WDR25: variants seen among roughly 807,000 people sequenced by gnomAD.
WDR25 encodes the protein WD repeat domain 25.
Under a neutral mutation model 47.7 loss-of-function variants are expected in WDR25, and 35 were observed. The observed-to-expected ratio is 0.73, with a 90% CI of 0.56 to 0.97. WDR25 has a LOEUF of 0.97. WDR25 is among the 50% of genes least tolerant of loss of function. WDR25 has a pLI of 0.00. For synonymous variants in WDR25, 248 were observed against 278.9 expected (o/e 0.89, Z 1.10); for missense variants, 634 against 704.7 (o/e 0.90, Z 1.14).
At chr14:100,450,926 G>A (rs1377858136) in intron 2 of WDR25, among the ~76,000 whole-genome samples, 1 of 152,206 alleles carries the variant, frequency 6.6e-6, no homozygotes, top group Non-Finnish European at 1.5e-5. Context: ...AGGTGTGAAA[G>A]AGCACCTAAC....
chr14:100,496,577 G>T (rs1044633422), intron 4 of WDR25, among the ~76,000 whole-genome samples: 1 of 152,032 alleles, frequency 6.6e-6, no homozygotes, highest in African/African-American at 2.4e-5. Context: ...CCATTGATTT[G>T]AGATCTTTTT....
At position 100,529,163 on chromosome 14, in the gene WDR25, G is replaced by A; in HGVS notation, c.1368G>A (p.Val456=). The change falls in exon 6 of 7, where the codon GTG becomes GTA. Residue 456 remains valine, a synonymous_variant. Coordinates refer to ENST00000402312, the MANE Select transcript of WDR25 (RefSeq NM_001161476.3). This position sits in a 1 kb window ranked among gnomAD's most constrained non-coding sequence, Gnocchi z 5.1. Reference sequence around the variant, plus strand: ...ACTACCTGGCCCTTTTCTCCACTGTGTGGCCCTACCGGATGAGCAGACGGC... The same window carrying A: ...ACTACCTGGCCCTTTTCTCCACTGTATGGCCCTACCGGATGAGCAGACGGC... ...NGNYLALFST[V]WPYRMSRRRR... 2 of 1,612,136 alleles carry A rather than the reference G, an allele frequency of 1.2e-6. No individual in the cohort carries two copies. Among genetic ancestry groups the A allele is most frequent in the Non-Finnish European group, 1.7e-6 (2 of 1,178,504 alleles).
At chr14:100,388,926 T>C (rs1897078464) in intron 2 of WDR25, among the ~76,000 whole-genome samples, 1 of 152,218 alleles carries the variant, frequency 6.6e-6, no homozygotes, top group African/African-American at 2.4e-5. Context: ...TCATCCCATG[T>C]CATTAAGGGA....
chr14:100,513,920 C>A (rs546551013), intron 4 of WDR25, among the ~76,000 whole-genome samples: 12 of 151,550 alleles, frequency 7.9e-5, no homozygotes, highest in Admixed American at 4.6e-4. Flanking sequence ...TTATTGTTAG[C>A]ATGGCATATC....
intron 4 of WDR25, among the ~76,000 whole-genome samples, chr14:100,491,497 C>T (rs1900564243): frequency 6.6e-6 from 1 of 152,202 alleles, no homozygotes; most frequent in South Asian, 2.1e-4. Context: ...CTGCAGTGTT[C>T]AGTACAATCA....
intron 2 of WDR25, among the ~76,000 whole-genome samples, chr14:100,405,009 C>T (rs570748204): frequency 6.6e-6 from 1 of 152,262 alleles, no homozygotes; most frequent in South Asian, 2.1e-4. Flanking sequence ...CTTGCCCCCA[C>T]CTCAGAGGCT....
chr14:100,463,059 C>T (rs80026461), intron 2 of WDR25, among the ~76,000 whole-genome samples: 1 of 58,384 alleles, frequency 1.7e-5, no homozygotes, highest in African/African-American at 1.1e-4. Context: ...TTCTTTCACC[C>T]CTTCCTCTCC....
In WDR25 at chr14:100,376,544, C is replaced by T. The variant is rs963814795; in HGVS notation, c.-16+49C>T. The T allele has an allele frequency of 5.7e-6, 7 of 1,231,816 alleles. No individual in the cohort carries two copies. In the African/African-American group the frequency reaches 9.3e-5, roughly 16 times the overall value. 76.3% of individuals were successfully genotyped at this position (1,231,816 alleles called of 1,614,324 possible). On this transcript the variant is annotated intron_variant, in intron 1 of 6. Transcript: ENST00000402312. Reference sequence around the variant, plus strand: ...CCGGGCTGGAGGGGCCGGGACTGGGCAGCGCCTAAAGCGCCCCGTGCCGCT... The same window carrying T: ...CCGGGCTGGAGGGGCCGGGACTGGGTAGCGCCTAAAGCGCCCCGTGCCGCT...
chr14:100,423,950 C>T (rs926918018), intron 2 of WDR25, among the ~76,000 whole-genome samples: 7 of 152,278 alleles, frequency 4.6e-5, no homozygotes, highest in Admixed American at 6.5e-5. Context: ...TGATGGGGCA[C>T]GGGCCACTCC....
chr14:100,397,202 G>A (rs1897278820), intron 2 of WDR25, among the ~76,000 whole-genome samples: 1 of 152,168 alleles, frequency 6.6e-6, no homozygotes, highest in Non-Finnish European at 1.5e-5. Context: ...TGTTGTCAAG[G>A]AAACCAAAAC....
At chr14:100,483,211 T>C (rs1900264541) in intron 3 of WDR25, among the ~76,000 whole-genome samples, 1 of 152,202 alleles carries the variant, frequency 6.6e-6, no homozygotes, top group Non-Finnish European at 1.5e-5. Context: ...ATTGATGTTT[T>C]TGAAGTTTAT....
chr14:100,516,159 G>T (rs1293749739), intron 4 of WDR25, among the ~76,000 whole-genome samples: 1 of 151,996 alleles, frequency 6.6e-6, no homozygotes, highest in Non-Finnish European at 1.5e-5. Context: ...GCTTGATAAC[G>T]GTTTGATTTT....
chr14:100,463,541 C>T (rs1566922318), intron 2 of WDR25, among the ~76,000 whole-genome samples: 1 of 152,188 alleles, frequency 6.6e-6, no homozygotes, highest in Non-Finnish European at 1.5e-5. Flanking sequence ...AGATGTGGGA[C>T]TCCTCTCTGT....
chr14:100,432,075 G>A (rs1387046519), intron 2 of WDR25, among the ~76,000 whole-genome samples: 1 of 152,186 alleles, frequency 6.6e-6, no homozygotes, highest in Non-Finnish European at 1.5e-5. Context: ...GGTTTCTTCT[G>A]TGCAGTTGAT....
At chr14:100,477,709 T>C (rs568067245) in intron 3 of WDR25, among the ~76,000 whole-genome samples, 1 of 152,284 alleles carries the variant, frequency 6.6e-6, no homozygotes, top group South Asian at 2.1e-4. Context: ...CTTTAACAAA[T>C]GTAAAGGGCA....
At chr14:100,485,842 A>G (rs1482477599) in intron 4 of WDR25, among the ~76,000 whole-genome samples, 1 of 152,064 alleles carries the variant, frequency 6.6e-6, no homozygotes, top group Non-Finnish European at 1.5e-5. Flanking sequence ...TGTTGAGGAG[A>G]GCCTAAATGC....
Position 100,525,562 on chromosome 14 carries a change from C to T in WDR25, c.1102-308C>T, listed in dbSNP as rs916874412. Among the ~76,000 whole-genome samples, 2 of 152,118 alleles carry T rather than the reference C, an allele frequency of 1.3e-5. No individual in the cohort carries two copies. The highest frequency in any genetic ancestry group is 2.9e-5 in the Non-Finnish European group (2 of 68,024). On this transcript the variant is annotated intron_variant, in intron 4 of 6. Transcript: ENST00000402312. The surrounding 1 kb of genome is among the most constrained non-coding windows in gnomAD (Gnocchi z 4.6). ...CAATATGCTCTCGAGGTGCCCTTGG[C>T]GAGTCAAGGCCCTTCCCTTTGCGCT...
chr14:100,483,787 C>G (rs777127044), intron 3 of WDR25, among the ~76,000 whole-genome samples: 3 of 152,156 alleles, frequency 2.0e-5, no homozygotes, highest in Non-Finnish European at 4.4e-5. Context: ...TTCAGCTAGT[C>G]AAGGGTGGGC....
rs150571004 is a variant in WDR25, at chr14:100,504,426, C to G, written c.1101+20302C>G. On this transcript the variant is annotated intron_variant, in intron 4 of 6. Transcript: ENST00000402312. Reference sequence around the variant, plus strand: ...CCTGTATCTTTCTTACTGTATCCCTCTGATGTAATTTAACACATTCCTCTG... The same window carrying G: ...CCTGTATCTTTCTTACTGTATCCCTGTGATGTAATTTAACACATTCCTCTG... 1.2e-3 allele frequency: 185 copies of G among 152,284 alleles called. 1 individual carries two copies. Among genetic ancestry groups the G allele is most frequent in the African/African-American group, 4.3e-3 (178 of 41,552 alleles). The allele number at this position is 152,284 out of a possible 1,614,324, so 9.4% of individuals were successfully genotyped here. A position where few individuals can be genotyped will look rare whatever the true frequency, so the allele number is the denominator to read the frequency against.
Sources: gnomAD v4.1 joint callset for allele counts (sites outside exome capture counted in the v4.1 genomes callset) on GRCh38, gnomAD v4.1.1 for gene constraint, Gnocchi (gnomAD v3.1) non-coding constraint, MANE v1.5 for transcripts, NCBI Gene and HGNC (gene_info 2026-07-23, HGNC 2026-07-21) for gene names.